TMEM232: variants seen among roughly 807,000 people sequenced by gnomAD.
TMEM232 encodes the protein transmembrane protein 232.
In TMEM232, 80 loss-of-function variants were observed where a neutral mutation model predicts 78.8. The ratio of observed to expected loss-of-function variants is 1.01; its 90% CI spans 0.85 to 1.22. The LOEUF is 1.22. TMEM232 is among the 50% of genes most tolerant of loss of function. The pLI is 0.00. For missense variants in TMEM232, 881 were observed against 742.2 expected (o/e 1.19, Z -2.17); for synonymous variants, 297 against 254.3 (o/e 1.17, Z -1.60).
At chr5:110,426,700 G>A (rs1000363410) in intron 12 of TMEM232, among the ~76,000 whole-genome samples, 1 of 151,980 alleles carries the variant, frequency 6.6e-6, no homozygotes, top group Non-Finnish European at 1.5e-5. Flanking sequence ...AATGCATGCA[G>A]AATAGGGCCT....
At chr5:110,642,216 G>T in intron 3 of TMEM232, 44 bp downstream of exon 3, 1 of 1,237,486 alleles carries the variant, frequency 8.1e-7, no homozygotes, top group Non-Finnish European at 1.1e-6. Flanking sequence ...GTACCAACTA[G>T]AAAGGAAGTT....
intron 13 of TMEM232, 37 bp from the exon 14 acceptor site, chr5:110,420,793 C>T (rs1756552427): frequency 6.7e-7 from 1 of 1,482,102 alleles, no homozygotes; most frequent in African/African-American, 1.5e-5. Flanking sequence ...CATGATTTTC[C>T]ATGAAAAAAT....
In TMEM232 at chr5:110,710,032, GA is replaced by G. The variant is rs199628112; in HGVS notation, c.-13+16594del. 7.5e-3 allele frequency among the ~76,000 whole-genome samples: 1,113 copies of G among 148,554 alleles called. 13 individuals carry two copies. The highest frequency in any genetic ancestry group is 0.026 in the African/African-American group (1,038 of 40,624). On this transcript the variant is annotated intron_variant, in intron 1 of 13. Coordinates refer to ENST00000455884, the MANE Select transcript of TMEM232 (RefSeq NM_001039763.4). ...GAAAACCTTTAGTTAGACAAATTAAGAAAAAAAAAGGCAGATGACTCAAATA... is the reference window on the plus strand; with the variant it reads ...GAAAACCTTTAGTTAGACAAATTAAGAAAAAAAAGGCAGATGACTCAAATA...
intron 1 of TMEM232, among the ~76,000 whole-genome samples, chr5:110,677,064 T>C (rs1328180435): frequency 6.6e-6 from 1 of 152,092 alleles, no homozygotes; most frequent in Non-Finnish European, 1.5e-5. Flanking sequence ...CCCTGCCTCA[T>C]TGCTTGTGTA....
intron 10 of TMEM232, among the ~76,000 whole-genome samples, chr5:110,583,263 A>G (rs1374798634): frequency 6.6e-6 from 1 of 152,018 alleles, no homozygotes; most frequent in Non-Finnish European, 1.5e-5. Flanking sequence ...TCAAGGCTAC[A>G]TAAATTAAAA....
intron 9 of TMEM232, 127 bp from the exon 10 acceptor site, chr5:110,605,485 AATGGGTTTACCATGAGT>A: frequency 8.7e-7 from 1 of 1,146,004 alleles, no homozygotes; most frequent in Non-Finnish European, 1.2e-6. Context: ...TTCATTAAAA[AATGGGTTTACCATGAGT>A]AGACTGCATA....
In TMEM232 at chr5:110,545,067, T is replaced by TTATG. The variant is rs1773608857; in HGVS notation, c.1456-16236_1456-16233dup. Among the ~76,000 whole-genome samples, 5 of 152,120 alleles carry TTATG rather than the reference T, an allele frequency of 3.3e-5. No homozygotes were observed. In the South Asian group the frequency reaches 1.0e-3, roughly 31 times the overall value. ...GATGAAAATATTTTGCTTCACAAGG[T>TTATG]TATGGTAAAGATTAAACAAAAAGCA... On this transcript the variant is annotated intron_variant, in intron 11 of 13. Transcript: ENST00000455884.
upstream of TMEM232, among the ~76,000 whole-genome samples, chr5:110,728,820 A>G (rs980563092): frequency 2.0e-5 from 3 of 148,658 alleles, no homozygotes; most frequent in African/African-American, 4.9e-5. Flanking sequence ...TTCAGAAACT[A>G]TATCATTGCC....
chr5:110,654,623 T>C (rs371942983), intron 2 of TMEM232, among the ~76,000 whole-genome samples: 15 of 152,266 alleles, frequency 9.9e-5, no homozygotes, highest in Admixed American at 7.2e-4. Context: ...ATTGACTTGG[T>C]GATGTGGGCT....
At chr5:110,597,434 C>T (rs1780307880) in intron 10 of TMEM232, among the ~76,000 whole-genome samples, 1 of 152,134 alleles carries the variant, frequency 6.6e-6, no homozygotes, top group Non-Finnish European at 1.5e-5. Context: ...AATGGCCATA[C>T]TGCCCAAGGT....
chr5:110,514,881 G>T (rs1362048000), intron 12 of TMEM232, among the ~76,000 whole-genome samples: 2 of 152,092 alleles, frequency 1.3e-5, no homozygotes, highest in East Asian at 3.9e-4. Context: ...ATTAAGTAGA[G>T]AGGTTCAAGG....
chr5:110,456,292 T>G (rs980224603), intron 12 of TMEM232, among the ~76,000 whole-genome samples: 2 of 151,896 alleles, frequency 1.3e-5, no homozygotes, highest in Admixed American at 1.3e-4. Context: ...GAAATTACAA[T>G]AAAAAGATAT....
intron 10 of TMEM232, among the ~76,000 whole-genome samples, chr5:110,589,484 T>C (rs1473394412): frequency 6.6e-6 from 1 of 152,140 alleles, no homozygotes; most frequent in East Asian, 1.9e-4. Flanking sequence ...TGGACGTTTG[T>C]TAAAATTTCA....
chr5:110,656,267 G>A (rs1157593957), intron 2 of TMEM232, among the ~76,000 whole-genome samples: 1 of 152,070 alleles, frequency 6.6e-6, no homozygotes, highest in Non-Finnish European at 1.5e-5. Flanking sequence ...TTTTCAAGTT[G>A]ATCATAGTGT....
chr5:110,630,606 T>C (rs1293146990), intron 5 of TMEM232, among the ~76,000 whole-genome samples: 4 of 152,194 alleles, frequency 2.6e-5, no homozygotes, highest in Non-Finnish European at 5.9e-5. Context: ...ATATGCTTGC[T>C]TCTCCTTCAC....
chr5:110,508,258 C>T (rs1364678467), intron 12 of TMEM232, among the ~76,000 whole-genome samples: 5 of 151,852 alleles, frequency 3.3e-5, no homozygotes, highest in Admixed American at 2.0e-4. Flanking sequence ...ATTGCACTGA[C>T]AGAGTTGGCA....
At chr5:110,597,298 A>G (rs560388433) in intron 10 of TMEM232, among the ~76,000 whole-genome samples, 2 of 152,326 alleles carry the variant, frequency 1.3e-5, no homozygotes, top group African/African-American at 2.4e-5. Flanking sequence ...TAGGAATCCA[A>G]CTTACAAGGG....
intron 12 of TMEM232, among the ~76,000 whole-genome samples, chr5:110,486,915 C>A (rs1464584744): frequency 6.6e-6 from 1 of 151,656 alleles, no homozygotes; most frequent in Admixed American, 6.6e-5. Context: ...GCAGTCTGGT[C>A]GTTTTCATAA....
At chr5:110,439,950 T>C (rs1247668441) in intron 12 of TMEM232, among the ~76,000 whole-genome samples, 1 of 152,164 alleles carries the variant, frequency 6.6e-6, no homozygotes, top group Non-Finnish European at 1.5e-5. Context: ...CCATAGCAGA[T>C]ATTAATCTGT....
Sources: gnomAD v4.1 joint callset for allele counts (sites outside exome capture counted in the v4.1 genomes callset) on GRCh38, gnomAD v4.1.1 for gene constraint, MANE v1.5 for transcripts, NCBI Gene and HGNC (gene_info 2026-07-23, HGNC 2026-07-21) for gene names.